Variants in PARD3B observed in about 807,000 individuals in gnomAD.
PARD3B encodes partitioning defective 3 homolog B.
PARD3B carries 103 observed loss-of-function variants against 130.2 expected under a neutral mutation model. The ratio of observed to expected loss-of-function variants is 0.79; its 90% CI spans 0.67 to 0.93. The LOEUF is 0.93. Among genes scored for constraint, PARD3B ranks in the 40% least tolerant of loss-of-function variants. The pLI is 0.00. For missense variants in PARD3B, 1,609 were observed against 1,499.2 expected (o/e 1.07, Z -1.21); for synonymous variants, 583 against 553.2 (o/e 1.05, Z -0.76).
At chr2:205,295,491 TATTGGAATGTA>T (rs2041755757) in intron 16 of PARD3B, among the ~76,000 whole-genome samples, 1 of 152,218 alleles carries the variant, frequency 6.6e-6, no homozygotes, top group Non-Finnish European at 1.5e-5. Context: ...CCATTGATGT[TATTGGAATGTA>T]CAAATTAATA....
At chr2:204,659,510 G>A (rs1212337243) in intron 1 of PARD3B, among the ~76,000 whole-genome samples, 3 of 152,152 alleles carry the variant, frequency 2.0e-5, no homozygotes, top group Non-Finnish European at 4.4e-5. Context: ...ACACAAGTGT[G>A]TGAGTTGTGT....
intron 1 of PARD3B, among the ~76,000 whole-genome samples, chr2:204,628,243 C>G (rs2034554396): frequency 6.6e-6 from 1 of 151,558 alleles, no homozygotes; most frequent in South Asian, 2.1e-4. Context: ...TTGGAAAATG[C>G]CACTGCAAAG....
chr2:205,079,800 G>A (rs927201396), intron 4 of PARD3B, among the ~76,000 whole-genome samples: 3 of 151,906 alleles, frequency 2.0e-5, no homozygotes, highest in South Asian at 2.1e-4. Context: ...TTATGCTAAC[G>A]TAAAAATTAA....
chr2:204,678,576 G>A lies in PARD3B; in HGVS notation c.121-7605G>A, dbSNP rs537351732. The stretch of plus-strand genomic sequence containing the variant: ...CCTTGAAGCCTGGCTGACTCCAGCC[G>A]GGTCGTCTCCGAAGTCGTGTGGTCT... On this transcript the variant is annotated intron_variant, in intron 1 of 22. Coordinates refer to ENST00000406610, the MANE Select transcript of PARD3B (RefSeq NM_001302769.2). The surrounding 1 kb of genome is among the most constrained non-coding windows in gnomAD (Gnocchi z 4.2). 1.3e-5 allele frequency among the ~76,000 whole-genome samples: 2 copies of A among 152,200 alleles called. No homozygotes were observed. The highest frequency in any genetic ancestry group is 1.9e-4 in the East Asian group (1 of 5,158).
intron 1 of PARD3B, among the ~76,000 whole-genome samples, chr2:204,594,734 T>G (rs181241433): frequency 2.6e-5 from 4 of 152,340 alleles, no homozygotes; most frequent in Admixed American, 2.6e-4. Flanking sequence ...TTGGTGGTTA[T>G]TTTATTCTCT....
intron 1 of PARD3B, among the ~76,000 whole-genome samples, chr2:204,622,393 AG>A (rs1454050660): frequency 6.6e-6 from 1 of 152,120 alleles, no homozygotes; most frequent in Admixed American, 6.6e-5. Context: ...TTTGCTGTTG[AG>A]GATATATAGC....
rs184205829 is a variant in PARD3B at position 205,342,781 on chromosome 2, G to C, written c.2630+41080G>C. On this transcript the variant is annotated intron_variant, in intron 18 of 22. Transcript: ENST00000406610. ...TTTTACCTGAGTTACTGTGTTCTTT[G>C]AACCTTATTCCATCCAGGTGTCAAC... 1.1e-4 allele frequency among the ~76,000 whole-genome samples: 17 copies of C among 152,218 alleles called. 1 individual carries two copies. Among genetic ancestry groups the C allele is most frequent in the African/African-American group, 3.6e-4 (15 of 41,540 alleles).
chr2:205,155,927 A>G (rs2034093738), intron 10 of PARD3B, among the ~76,000 whole-genome samples: 1 of 152,086 alleles, frequency 6.6e-6, no homozygotes, highest in African/African-American at 2.4e-5. Flanking sequence ...TACCCAAAGG[A>G]CTATAAATCA....
chr2:205,444,889 T>C (rs900088470), intron 20 of PARD3B, among the ~76,000 whole-genome samples: 2 of 152,188 alleles, frequency 1.3e-5, no homozygotes, highest in African/African-American at 4.8e-5. Flanking sequence ...GGGCTTTAGA[T>C]TTGGCCACTA....
intron 22 of PARD3B, among the ~76,000 whole-genome samples, chr2:205,580,337 T>C (rs2106566919): frequency 6.6e-6 from 1 of 152,318 alleles, no homozygotes; most frequent in East Asian, 1.9e-4. Context: ...AGAGGGCCCC[T>C]GGAAGGTCCA....
chr2:204,816,583 T>C lies in PARD3B; in HGVS notation c.222+130301T>C, dbSNP rs566286036. ...GATATTACTACAGTATTTTCTCACT[T>C]GTGCTATTACTAAAGAGAAATGTGC... is the stretch of plus-strand genomic sequence containing the variant. On this transcript the variant is annotated intron_variant, in intron 2 of 22. Transcript: ENST00000406610. Among the ~76,000 whole-genome samples, 3 of 152,138 alleles carry C rather than the reference T, an allele frequency of 2.0e-5. No homozygotes were observed. The East Asian group carries it at 5.8e-4, about 29-fold the overall frequency.
chr2:205,070,119 T>C (rs1700634834), intron 4 of PARD3B, among the ~76,000 whole-genome samples: 2 of 152,146 alleles, frequency 1.3e-5, no homozygotes, highest in Admixed American at 6.5e-5. Flanking sequence ...ACCCATTTGC[T>C]ATGTGATTGT....
intron 16 of PARD3B, among the ~76,000 whole-genome samples, chr2:205,277,110 T>C (rs914144446): frequency 1.2e-4 from 18 of 152,222 alleles, no homozygotes; most frequent in African/African-American, 4.1e-4. Flanking sequence ...TCAGGAAGGT[T>C]CCATTTGCCA....
chr2:205,300,793 T>C lies in PARD3B; in HGVS notation c.2392+57T>C. 3 of 1,507,016 alleles carry C rather than the reference T, an allele frequency of 2.0e-6. No individual in the cohort carries two copies. Among genetic ancestry groups the C allele is most frequent in the Non-Finnish European group, 2.7e-6 (3 of 1,096,584 alleles). 93.4% of individuals were successfully genotyped at this position (1,507,016 alleles called of 1,614,324 possible). A position where few individuals can be genotyped will look rare whatever the true frequency, so the allele number is the denominator to read the frequency against. On this transcript the variant is annotated intron_variant, in intron 17 of 22. Coordinates refer to ENST00000406610, the MANE Select transcript of PARD3B (RefSeq NM_001302769.2). The surrounding 1 kb of genome is among the most constrained non-coding windows in gnomAD (Gnocchi z 4.1). ...TCATCTCATTATTATCTGCAAATCA[T>C]GGGCAAGAATGTGTGCTCAACTACA... is the stretch of plus-strand genomic sequence containing the variant.
chr2:205,522,585 T>C (rs1413957513), intron 21 of PARD3B, among the ~76,000 whole-genome samples: 1 of 118,128 alleles, frequency 8.5e-6, no homozygotes, highest in Non-Finnish European at 1.8e-5. Flanking sequence ...GTTCCTATAG[T>C]ATTATAATTC....
intron 18 of PARD3B, among the ~76,000 whole-genome samples, chr2:205,330,711 G>C (rs2043093364): frequency 6.6e-6 from 1 of 152,198 alleles, no homozygotes; most frequent in Non-Finnish European, 1.5e-5. Context: ...GAGCCTATGT[G>C]ACCTACAGAG....
At chr2:205,046,784 T>C (rs1698815307) in intron 3 of PARD3B, among the ~76,000 whole-genome samples, 1 of 152,064 alleles carries the variant, frequency 6.6e-6, no homozygotes, top group East Asian at 1.9e-4. Flanking sequence ...CACAAGCAGA[T>C]TTTTTTTGAG....
chr2:205,142,805 G>T lies in PARD3B; in HGVS notation c.1435-15917G>T, dbSNP rs2125676521. ...ACGCAGGAGAATCGTTTGAACCCGG[G>T]AGGCAGAGGTTGCAGTGAGCCGAGA... On this transcript the variant is annotated intron_variant, in intron 10 of 22. Coordinates refer to ENST00000406610, the MANE Select transcript of PARD3B (RefSeq NM_001302769.2). The surrounding 1 kb of genome is among the most constrained non-coding windows in gnomAD (Gnocchi z 4.3). 6.6e-6 allele frequency among the ~76,000 whole-genome samples: 1 copy of T among 152,164 alleles called. No homozygotes were observed. Among genetic ancestry groups the T allele is most frequent in the South Asian group, 2.1e-4 (1 of 4,824 alleles).
At chr2:205,313,994 A>T (rs2042476216) in intron 18 of PARD3B, among the ~76,000 whole-genome samples, 1 of 152,190 alleles carries the variant, frequency 6.6e-6, no homozygotes, top group Non-Finnish European at 1.5e-5. Context: ...TATATTAATG[A>T]TAGTTTTATT....
Sources: allele counts gnomAD v4.1 joint callset (sites outside exome capture counted in the v4.1 genomes callset), GRCh38; gene constraint gnomAD v4.1.1; non-coding constraint Gnocchi (gnomAD v3.1); transcripts MANE v1.5; gene names NCBI Gene and HGNC (gene_info 2026-07-23, HGNC 2026-07-21).